EPHA6: variants seen among roughly 807,000 people sequenced by gnomAD.
EPHA6 encodes the protein EPH receptor A6, also known as ephrin type-A receptor 6.
Under a neutral mutation model 112.0 loss-of-function variants are expected in EPHA6, and 50 were observed. The observed-to-expected ratio is 0.45, with a 90% CI of 0.36 to 0.56. The LOEUF (loss-of-function observed/expected upper bound fraction) is 0.56, where lower values mean the gene tolerates loss of function less well. Among genes scored for constraint, EPHA6 ranks in the 20% least tolerant of loss-of-function variants. The pLI, the probability that EPHA6 is intolerant of heterozygous loss-of-function variation, is 0.00. For synonymous variants in EPHA6, 529 were observed against 490.7 expected, an observed-to-expected ratio of 1.08 and a Z score of -1.03; for missense variants, 1,280 against 1,417.4, an observed-to-expected ratio of 0.90 and a Z score of 1.56.
At chr3:97,570,782 C>T (rs980634061) in intron 11 of EPHA6, among the ~76,000 whole-genome samples, 16 of 151,648 alleles carry the variant, frequency 1.1e-4, no homozygotes, top group African/African-American at 3.6e-4. Flanking sequence ...GACATTACAA[C>T]TCTACACAAA....
At chr3:97,133,265 T>A (rs2075682909) in intron 3 of EPHA6, among the ~76,000 whole-genome samples, 1 of 152,050 alleles carries the variant, frequency 6.6e-6, no homozygotes, top group Non-Finnish European at 1.5e-5. Flanking sequence ...CTATATTTGG[T>A]GCAGTCAATG....
chr3:97,154,643 A>G (rs1247379655), intron 3 of EPHA6, among the ~76,000 whole-genome samples: 1 of 152,140 alleles, frequency 6.6e-6, no homozygotes, highest in Admixed American at 6.6e-5. Flanking sequence ...ACCTTTAAAA[A>G]CATTTTATTG....
At chr3:97,522,429 G>A (rs1393048161) in intron 10 of EPHA6, among the ~76,000 whole-genome samples, 1 of 152,064 alleles carries the variant, frequency 6.6e-6, no homozygotes, top group African/African-American at 2.4e-5. Context: ...CTATTTTTAT[G>A]TGCTGTTGAA....
intron 3 of EPHA6, among the ~76,000 whole-genome samples, chr3:97,171,725 C>T (rs1457110471): frequency 1.3e-5 from 2 of 151,762 alleles, no homozygotes; most frequent in Non-Finnish European, 1.5e-5. Flanking sequence ...CAATTAGAGA[C>T]ATAATAAGCT....
chr3:97,618,957 CA>C (rs1227926305), intron 13 of EPHA6, among the ~76,000 whole-genome samples: 1 of 151,808 alleles, frequency 6.6e-6, no homozygotes, highest in Non-Finnish European at 1.5e-5. Flanking sequence ...AGCAATACAA[CA>C]AAAAAGAAAA....
intron 3 of EPHA6, among the ~76,000 whole-genome samples, chr3:97,144,079 G>C (rs1169209646): frequency 2.0e-5 from 3 of 151,594 alleles, no homozygotes; most frequent in Non-Finnish European, 4.4e-5. Context: ...TCAAGCATTT[G>C]TGTATAACAA....
At chr3:97,700,205 G>A (rs1175325703) in intron 14 of EPHA6, among the ~76,000 whole-genome samples, 3 of 152,168 alleles carry the variant, frequency 2.0e-5, no homozygotes, top group African/African-American at 7.2e-5. Context: ...TGAAGAAAAT[G>A]TGCTTCAAAA....
chr3:97,753,480 T>A lies in EPHA6; in HGVS notation c.*4779T>A, dbSNP rs903461362. 6.6e-6 allele frequency among the ~76,000 whole-genome samples: 1 copy of A among 152,144 alleles called. No homozygotes were observed. The highest frequency in any genetic ancestry group is 2.4e-5 in the African/African-American group (1 of 41,432). On this transcript the variant is annotated 3_prime_UTR_variant, in exon 18 of 18. Transcript: ENST00000389672. ...CCCCTCTGGCGGAGGGGAAGCATAC[T>A]TCCTGGGTTCTCTAAAACAGTTTCT...
intron 3 of EPHA6, among the ~76,000 whole-genome samples, chr3:97,101,947 A>T (rs1019339285): frequency 6.6e-5 from 10 of 152,054 alleles, no homozygotes; most frequent in African/African-American, 2.4e-4. Context: ...CTCCCAAATG[A>T]TAAGGAAACA....
chr3:97,561,603 C>G (rs1333223742), intron 11 of EPHA6, among the ~76,000 whole-genome samples: 4 of 152,032 alleles, frequency 2.6e-5, no homozygotes. Context: ...ATCTCTGTAA[C>G]ATAAAAGTGC....
chr3:97,487,935 T>C (rs775419557), intron 10 of EPHA6, among the ~76,000 whole-genome samples: 1 of 152,190 alleles, frequency 6.6e-6, no homozygotes, highest in Non-Finnish European at 1.5e-5. Context: ...CATTATTTTA[T>C]ACATATCTTG....
intron 15 of EPHA6, among the ~76,000 whole-genome samples, chr3:97,731,216 C>T (rs1258657201): frequency 6.6e-6 from 1 of 152,028 alleles, no homozygotes; most frequent in Non-Finnish European, 1.5e-5. Flanking sequence ...GGCAGAGGCC[C>T]AGATGACTCC....
chr3:97,542,131 G>C (rs1035757596), intron 11 of EPHA6, among the ~76,000 whole-genome samples: 1 of 149,522 alleles, frequency 6.7e-6, no homozygotes, highest in Non-Finnish European at 1.5e-5. Context: ...TAGGGTACAT[G>C]TGCACAATGT....
chr3:97,481,191 A>T (rs2091533289), intron 9 of EPHA6: 2 of 1,060,922 alleles, frequency 1.9e-6, no homozygotes, highest in African/African-American at 3.1e-5. Flanking sequence ...CAATTTCCTC[A>T]TGAAGTACTG....
At chr3:97,535,919 T>A (rs1208750151) in intron 11 of EPHA6, among the ~76,000 whole-genome samples, 1 of 152,170 alleles carries the variant, frequency 6.6e-6, no homozygotes, top group Admixed American at 6.6e-5. Context: ...TTTGGCTCTC[T>A]TTCATATTTG....
At chr3:97,270,234 T>C (rs2079833741) in intron 5 of EPHA6, among the ~76,000 whole-genome samples, 1 of 152,138 alleles carries the variant, frequency 6.6e-6, no homozygotes, top group African/African-American at 2.4e-5. Context: ...TTTGCAAAAA[T>C]CTTTACCCCT....
chr3:97,187,544 C>T (rs1197881418), intron 3 of EPHA6, among the ~76,000 whole-genome samples: 2 of 144,150 alleles, frequency 1.4e-5, no homozygotes, highest in African/African-American at 5.2e-5. Context: ...GCACTCCAAC[C>T]TGTGTGACTG....
At chr3:97,155,548 A>G (rs2076269694) in intron 3 of EPHA6, among the ~76,000 whole-genome samples, 1 of 152,154 alleles carries the variant, frequency 6.6e-6, no homozygotes, top group East Asian at 1.9e-4. Flanking sequence ...CAGTCTTTTT[A>G]CCCCAGATCC....
chr3:97,460,929 A>C (rs868478635), intron 7 of EPHA6, among the ~76,000 whole-genome samples: 4 of 152,164 alleles, frequency 2.6e-5, no homozygotes, highest in South Asian at 2.1e-4. Context: ...TGTCCCAGTA[A>C]ACCCCATCTA....
Sources: allele counts gnomAD v4.1 joint callset (sites outside exome capture counted in the v4.1 genomes callset), GRCh38; gene constraint gnomAD v4.1.1; transcripts MANE v1.5; gene names NCBI Gene and HGNC (gene_info 2026-07-23, HGNC 2026-07-21).